The following DUS2 variants were observed in gnomAD, a reference collection of about 807,000 sequenced individuals.
DUS2 encodes the protein tRNA-dihydrouridine(20) synthase [NAD(P)+]-like.
DUS2 carries 52 observed loss-of-function variants against 71.3 expected under a neutral mutation model. That is an observed-to-expected ratio of 0.73 (90% CI 0.58 to 0.92). The LOEUF (loss-of-function observed/expected upper bound fraction) is 0.92, where lower values mean the gene tolerates loss of function less well. Among genes scored for constraint, DUS2 ranks in the 40% least tolerant of loss-of-function variants. The pLI, the probability that DUS2 is intolerant of heterozygous loss-of-function variation, is 0.00. For synonymous variants in DUS2, 204 were observed against 227.8 expected, an observed-to-expected ratio of 0.90 and a Z score of 0.94; for missense variants, 558 against 622.6, an observed-to-expected ratio of 0.90 and a Z score of 1.10.
chr16:68,042,914 G>A (rs888026337), intron 3 of DUS2, among the ~76,000 whole-genome samples: 2 of 151,808 alleles, frequency 1.3e-5, no homozygotes, highest in African/African-American at 4.8e-5. Context: ...TTCCATGTTG[G>A]CCAGACTGGT....
chr16:68,069,250 G>A (rs897515345), intron 10 of DUS2, among the ~76,000 whole-genome samples: 9 of 152,152 alleles, frequency 5.9e-5, no homozygotes, highest in Non-Finnish European at 1.0e-4. Context: ...AATTAGCTAG[G>A]CATGGTAGCT....
intron 1 of DUS2, among the ~76,000 whole-genome samples, chr16:68,024,649 G>C (rs2033317277): frequency 6.6e-6 from 1 of 152,058 alleles, no homozygotes; most frequent in Admixed American, 6.6e-5. Flanking sequence ...AGACTTTCTG[G>C]AGAGTTACCA....
chr16:68,035,884 T>TTATATATATATA (rs71145987), intron 2 of DUS2, among the ~76,000 whole-genome samples: 31 of 113,292 alleles, frequency 2.7e-4, no homozygotes, highest in African/African-American at 1.2e-3. Context: ...CCCGCTAATT[T>TTATATATATATA]TATATATATA....
rs1598322950 is a variant in DUS2 at position 68,079,275 on chromosome 16, A to G, written c.*289A>G. On this transcript the variant is annotated 3_prime_UTR_variant, in exon 17 of 17. Coordinates refer to ENST00000565263, the MANE Select transcript of DUS2 (RefSeq NM_017803.5). ...GTACTGTGCAATAAAGACACCCCCT[A>G]CCCTCACCCACGGCTGGCTGCTTCA... 1 of 264,988 alleles carries G rather than the reference A, an allele frequency of 3.8e-6. No homozygotes were observed. The highest frequency in any genetic ancestry group is 7.1e-6 in the Non-Finnish European group (1 of 141,022). The allele number at this position is 264,988 out of a possible 1,614,324, so 16.4% of individuals were successfully genotyped here.
intron 6 of DUS2, among the ~76,000 whole-genome samples, chr16:68,055,386 C>T (rs1009885636): frequency 6.7e-6 from 1 of 149,750 alleles, no homozygotes; most frequent in African/African-American, 2.5e-5. Context: ...CCCAGGAGGT[C>T]GAGGCTGCAG....
chr16:68,072,972 A>G (rs2034108585), intron 12 of DUS2, among the ~76,000 whole-genome samples: 1 of 152,242 alleles, frequency 6.6e-6, no homozygotes, highest in African/African-American at 2.4e-5. Flanking sequence ...AGGCTATTCA[A>G]GATGTGGGAA....
chr16:68,051,786 C>T lies in DUS2; in HGVS notation c.173-1778C>T, dbSNP rs529522406. Among the ~76,000 whole-genome samples the T allele has an allele frequency of 5.4e-4, 82 of 152,192 alleles. 1 individual carries two copies. Among genetic ancestry groups the T allele is most frequent in the Admixed American group, 1.6e-3 (24 of 15,282 alleles). ...GGGTAATAGTGCTATAATTTCATGC[C>T]GAAACAAAGCTTATTCAAGATGTGT... On this transcript the variant is annotated intron_variant, in intron 4 of 16. Coordinates refer to ENST00000565263, the MANE Select transcript of DUS2 (RefSeq NM_017803.5).
intron 2 of DUS2, 102 bp from the exon 3 acceptor site, chr16:68,037,901 AAAC>A: frequency 2.5e-6 from 3 of 1,178,306 alleles, no homozygotes; most frequent in Non-Finnish European, 3.6e-6. Flanking sequence ...AAGAAAATGA[AAAC>A]TACTGTGTGC....
chr16:68,076,241 G>T (rs909136894), intron 14 of DUS2, among the ~76,000 whole-genome samples: 5 of 152,130 alleles, frequency 3.3e-5, no homozygotes, highest in Admixed American at 3.3e-4. Context: ...TGGGCGCTGA[G>T]CTAGATCCCC....
intron 4 of DUS2, among the ~76,000 whole-genome samples, chr16:68,053,070 C>A (rs1321222524): frequency 6.6e-6 from 1 of 151,448 alleles, no homozygotes; most frequent in Non-Finnish European, 1.5e-5. Flanking sequence ...TCAAGCGATT[C>A]TCCTGCCTCA....
intron 10 of DUS2, 101 bp from the exon 11 acceptor site, chr16:68,070,033 G>A (rs571986555): frequency 6.6e-6 from 7 of 1,060,450 alleles, no homozygotes; most frequent in Non-Finnish European, 1.0e-5. Flanking sequence ...CCTTCCTGAG[G>A]TTCAGTGGGG....
Position 68,023,333 on chromosome 16 carries a change from TTA to T in DUS2, c.-116_-115del. ...CCGTGAGGAAGAAGCGAGGTTCTTTTTAAGAGTTCAGCTGCGAGGTCTGTAGC... is the reference window on the plus strand; with the variant it reads ...CCGTGAGGAAGAAGCGAGGTTCTTTTAGAGTTCAGCTGCGAGGTCTGTAGC... On this transcript the variant is annotated 5_prime_UTR_variant, in exon 1 of 17. Transcript: ENST00000565263. 1 of 1,157,582 alleles carries T rather than the reference TTA, an allele frequency of 8.6e-7. No individual in the cohort carries two copies. The allele number at this position is 1,157,582 out of a possible 1,614,324, so 71.7% of individuals were successfully genotyped here.
At chr16:68,072,251 G>A (rs761093533) in intron 12 of DUS2, among the ~76,000 whole-genome samples, 1 of 152,198 alleles carries the variant, frequency 6.6e-6, no homozygotes, top group Non-Finnish European at 1.5e-5. Context: ...GTTCAATGCT[G>A]CAGCCCTCAC....
At chr16:68,053,754 A>G (rs765306963) in intron 5 of DUS2, 99 bp downstream of exon 5, 2 of 1,197,896 alleles carry the variant, frequency 1.7e-6, no homozygotes, top group Non-Finnish European at 2.4e-6. Flanking sequence ...TACCTGGGGT[A>G]CATTGTACAA....
chr16:68,031,812 A>G (rs1157471536), intron 2 of DUS2, among the ~76,000 whole-genome samples: 1 of 152,116 alleles, frequency 6.6e-6, no homozygotes. Flanking sequence ...CTCCTGCTTC[A>G]GCCTCCCGAG....
intron 10 of DUS2, among the ~76,000 whole-genome samples, chr16:68,067,724 A>G (rs2034030573): frequency 6.6e-6 from 1 of 151,652 alleles, no homozygotes; most frequent in African/African-American, 2.4e-5. Flanking sequence ...AAGTGGCACA[A>G]TCATAGCTCA....
intron 10 of DUS2, 77 bp downstream of exon 10, chr16:68,066,713 C>T (rs2034009964): frequency 3.5e-6 from 5 of 1,428,772 alleles, no homozygotes; most frequent in African/African-American, 1.4e-5. Context: ...TGATCTGTCA[C>T]CCCAAGTGAC....
intron 3 of DUS2, among the ~76,000 whole-genome samples, chr16:68,046,411 T>C (rs61510124): frequency 0.013 from 1,988 of 151,994 alleles, 43 homozygotes; most frequent in African/African-American, 0.045. Flanking sequence ...CGGAGTCTCC[T>C]TCTGTTGCCC....
intron 10 of DUS2, among the ~76,000 whole-genome samples, chr16:68,069,143 C>G (rs914649334): frequency 3.9e-5 from 6 of 152,060 alleles, no homozygotes; most frequent in Admixed American, 3.9e-4. Flanking sequence ...AATCCCACCA[C>G]TTTAGGAGGC....
Sources: gnomAD v4.1 joint callset for allele counts (sites outside exome capture counted in the v4.1 genomes callset) on GRCh38, gnomAD v4.1.1 for gene constraint, MANE v1.5 for transcripts, NCBI Gene and HGNC (gene_info 2026-07-23, HGNC 2026-07-21) for gene names.